The following BTBD9 variants were observed in gnomAD, a reference collection of about 807,000 sequenced individuals.
BTBD9 encodes BTB/POZ domain-containing protein 9.
Under a neutral mutation model 64.3 loss-of-function variants are expected in BTBD9, and 49 were observed. The observed-to-expected ratio is 0.76, with a 90% CI of 0.61 to 0.97. BTBD9 has a LOEUF of 0.97. Ranked by LOEUF, BTBD9 falls within the 50% of genes least tolerant of loss-of-function variation. The probability of loss-of-function intolerance (pLI) is 0.00; values close to 1 mark genes in which losing one functional copy is unlikely to be tolerated. For synonymous variants in BTBD9, 260 were observed against 274.7 expected, an observed-to-expected ratio of 0.95 and a Z score of 0.53; for missense variants, 598 against 762.1, an observed-to-expected ratio of 0.78 and a Z score of 2.53.
intron 9 of BTBD9, among the ~76,000 whole-genome samples, chr6:38,250,951 G>A (rs1056135655): frequency 1.3e-5 from 2 of 151,810 alleles, no homozygotes; most frequent in African/African-American, 2.4e-5. Context: ...GTGTAGTGGC[G>A]TGTGCCTGTA....
Position 38,232,665 on chromosome 6 carries a change from CT to C in BTBD9, c.1562+23743del, listed in dbSNP as rs762881748. 4.3e-3 allele frequency among the ~76,000 whole-genome samples: 604 copies of C among 141,328 alleles called. 1 individual carries two copies. The highest frequency in any genetic ancestry group is 7.0e-3 in the African/African-American group (271 of 38,664). The allele number at this position is 141,328 out of a possible 152,430, so 92.7% of individuals were successfully genotyped here. ...ATTTTTTCACATAAACCTTTCGCAA[CT>C]TTTTTTTTTTTTTTTGAAGATAAGG... On this transcript the variant is annotated intron_variant, in intron 9 of 10. Transcript: ENST00000481247.
At chr6:38,286,783 T>C (rs1006921731) in intron 8 of BTBD9, among the ~76,000 whole-genome samples, 2 of 152,050 alleles carry the variant, frequency 1.3e-5, no homozygotes, top group Admixed American at 1.3e-4. Flanking sequence ...ATTACTTTAT[T>C]AAAAAAATTT....
intron 6 of BTBD9, among the ~76,000 whole-genome samples, chr6:38,366,756 A>G (rs1466829721): frequency 1.3e-5 from 2 of 152,236 alleles, no homozygotes; most frequent in Non-Finnish European, 2.9e-5. Flanking sequence ...ACTTTTTGGA[A>G]GAATAAGAAA....
chr6:38,604,999 G>A (rs894330812), intron 1 of BTBD9, among the ~76,000 whole-genome samples: 1 of 151,728 alleles, frequency 6.6e-6, no homozygotes, highest in Non-Finnish European at 1.5e-5. Flanking sequence ...TGCCTGGATT[G>A]ATATTAATTT....
intron 6 of BTBD9, among the ~76,000 whole-genome samples, chr6:38,474,742 T>C (rs1449146753): frequency 1.3e-5 from 2 of 152,132 alleles, no homozygotes; most frequent in African/African-American, 4.8e-5. Context: ...TATCCTCCTG[T>C]CTCTTTCTTA....
At chr6:38,361,279 C>T (rs1764943379) in intron 6 of BTBD9, among the ~76,000 whole-genome samples, 1 of 152,200 alleles carries the variant, frequency 6.6e-6, no homozygotes, top group South Asian at 2.1e-4. Flanking sequence ...AGCAGTGGCT[C>T]ATGACTGTAA....
chr6:38,583,268 C>A (rs1476041056), intron 4 of BTBD9, among the ~76,000 whole-genome samples: 2 of 152,118 alleles, frequency 1.3e-5, no homozygotes, highest in Admixed American at 6.5e-5. Context: ...GAGGCCGAGG[C>A]AGGTGGATTG....
intron 7 of BTBD9, among the ~76,000 whole-genome samples, chr6:38,297,291 G>A (rs966462620): frequency 2.0e-5 from 3 of 152,236 alleles, no homozygotes; most frequent in East Asian, 1.9e-4. Context: ...GTTTGAACAC[G>A]GGAGGTGGAG....
intron 7 of BTBD9, among the ~76,000 whole-genome samples, chr6:38,343,642 A>G (rs1001210957): frequency 3.3e-5 from 5 of 152,178 alleles, no homozygotes; most frequent in African/African-American, 1.2e-4. Flanking sequence ...AAACAATATC[A>G]GGTAATGCTT....
At chr6:38,475,074 T>A (rs1770819085) in intron 6 of BTBD9, among the ~76,000 whole-genome samples, 1 of 152,082 alleles carries the variant, frequency 6.6e-6, no homozygotes, top group Non-Finnish European at 1.5e-5. Flanking sequence ...CATTTAATAA[T>A]GTAGGGAAAA....
chr6:38,493,102 C>T (rs1469796876), intron 6 of BTBD9, among the ~76,000 whole-genome samples: 1 of 152,048 alleles, frequency 6.6e-6, no homozygotes, highest in African/African-American at 2.4e-5. Context: ...TATAACCTAC[C>T]GATTACTTTG....
chr6:38,512,331 A>G (rs1363950145), intron 6 of BTBD9, among the ~76,000 whole-genome samples: 1 of 152,224 alleles, frequency 6.6e-6, no homozygotes, highest in Non-Finnish European at 1.5e-5. Flanking sequence ...ATTTGATCAG[A>G]TAATTCCTGT....
chr6:38,370,662 T>A (rs984382833), intron 6 of BTBD9, among the ~76,000 whole-genome samples: 3 of 151,632 alleles, frequency 2.0e-5, no homozygotes, highest in African/African-American at 7.2e-5. Context: ...CTTGTAAGTG[T>A]CATAGGACCA....
chr6:38,184,265 C>T lies in BTBD9; in HGVS notation c.1641+8254G>A, dbSNP rs56143617. Among the ~76,000 whole-genome samples, 22,334 of 152,142 alleles carry T rather than the reference C, an allele frequency of 0.15. 1,883 individuals carry two copies. Among genetic ancestry groups the T allele is most frequent in the Non-Finnish European group, 0.19 (12,740 of 67,972 alleles). On this transcript the variant is annotated intron_variant, in intron 10 of 10. Coordinates refer to ENST00000481247, the MANE Select transcript of BTBD9 (RefSeq NM_001099272.2). The surrounding 1 kb of genome is among the most constrained non-coding windows in gnomAD (Gnocchi z 4.4). ...GCAGATTCACAGGTACCAGGCTGCC[C>T]GCTGGGCTTGACTATCCCGGCTGTC...
intron 7 of BTBD9, among the ~76,000 whole-genome samples, chr6:38,342,752 T>C (rs1484202238): frequency 6.6e-6 from 1 of 152,144 alleles, no homozygotes; most frequent in East Asian, 1.9e-4. Flanking sequence ...TGTACCCCCG[T>C]AGAGGACCTG....
chr6:38,538,524 C>T (rs973407584), intron 6 of BTBD9, among the ~76,000 whole-genome samples: 1 of 152,112 alleles, frequency 6.6e-6, no homozygotes, highest in African/African-American at 2.4e-5. Context: ...TTTCTTTTAA[C>T]ATTTCTTATA....
At chr6:38,357,808 T>C (rs1764790534) in intron 6 of BTBD9, among the ~76,000 whole-genome samples, 1 of 152,168 alleles carries the variant, frequency 6.6e-6, no homozygotes, top group South Asian at 2.1e-4. Context: ...AAAATAAAAT[T>C]TCACCTTGTT....
chr6:38,377,918 G>GA (rs556493162), intron 6 of BTBD9, among the ~76,000 whole-genome samples: 22 of 152,230 alleles, frequency 1.4e-4, no homozygotes, highest in African/African-American at 5.3e-4. Context: ...ATTCCTTCTT[G>GA]AAAAAGATAT....
At chr6:38,250,832 GGAAGCC>G (rs1159201809) in intron 9 of BTBD9, among the ~76,000 whole-genome samples, 1 of 152,146 alleles carries the variant, frequency 6.6e-6, no homozygotes, top group Non-Finnish European at 1.5e-5. Flanking sequence ...CAGCACTTTG[GGAAGCC>G]GAGGTGGGGG....
Sources: allele counts gnomAD v4.1 joint callset (sites outside exome capture counted in the v4.1 genomes callset), GRCh38; gene constraint gnomAD v4.1.1; non-coding constraint Gnocchi (gnomAD v3.1); transcripts MANE v1.5; gene names NCBI Gene and HGNC (gene_info 2026-07-23, HGNC 2026-07-21).